The following SRP14 variants were observed in gnomAD, a reference collection of about 807,000 sequenced individuals.
SRP14 encodes signal recognition particle 14, also known as signal recognition particle 14 kDa protein.
SRP14 carries 1 observed loss-of-function variant against 16.0 expected under a neutral mutation model. The ratio of observed to expected loss-of-function variants is 0.06; its 90% confidence interval spans 0.02 to 0.30. SRP14 has a LOEUF of 0.30. Ranked by LOEUF, SRP14 falls within the 10% of genes least tolerant of loss-of-function variation. SRP14 has a pLI of 1.00. For synonymous variants in SRP14, 67 were observed against 60.1 expected (o/e 1.12, Z -0.53); for missense variants, 120 against 163.1 (o/e 0.74, Z 1.44).
At position 40,036,976 on chromosome 15, in the gene SRP14, CA is replaced by C; in HGVS notation, c.243+9del. 1 of 1,613,894 alleles carries C rather than the reference CA, an allele frequency of 6.2e-7. No homozygotes were observed. Among genetic ancestry groups the C allele is most frequent in the Non-Finnish European group, 8.5e-7 (1 of 1,179,984 alleles). The stretch of plus-strand genomic sequence containing the variant: ...TGAGAAGGGAAACATAAGGAACACC[CA>C]AAACTCACCATCTGAAACTTATTCA... On this transcript the variant is annotated intron_variant, in intron 4 of 4. Transcript: ENST00000267884.
intron 3 of SRP14, chr15:40,037,294 A>AAAAAAAAAAAAATC: frequency 7.4e-7 from 1 of 1,352,536 alleles, no homozygotes. Context: ...AAAAAAAAAA[A>AAAAAAAAAAAAATC]GCTTTGTTTC....
At chr15:40,038,459 T>A in intron 2 of SRP14, 65 bp from the exon 3 acceptor site, 1 of 1,144,016 alleles carries the variant, frequency 8.7e-7, no homozygotes, top group Non-Finnish European at 1.3e-6. Flanking sequence ...GACAAACAGT[T>A]AAAACAGAGG....
Position 40,038,318 on chromosome 15 carries a change from T to C in SRP14, c.174A>G (p.Leu58=), listed in dbSNP as rs577596887. Residue 58 remains leucine, a synonymous_variant, in exon 3 of 5, where the codon TTA becomes TTG. Coordinates refer to ENST00000267884, the MANE Select transcript of SRP14 (RefSeq NM_003134.6). ...TCTTCTTCTTCCCATCGGTAGCTCT[T>C]AACAGACACTTGTTGTCTGCGGGCT... is the stretch of plus-strand genomic sequence containing the variant. ...GFEPADNKCL[L]RATDGKKKIS... The C allele has an allele frequency of 8.4e-5, 136 of 1,614,122 alleles. No homozygotes were observed. The South Asian group carries it at 1.4e-3, about 17-fold the overall frequency.
Position 40,036,924 on chromosome 15 carries a change from T to C in SRP14, c.243+62A>G, listed in dbSNP as rs375704535. ...GAACCCAAGTATCAATCTTACCCAG[T>C]GTTCACTATCATACTGACTCTTGCC... On this transcript the variant is annotated intron_variant, in intron 4 of 4. Coordinates refer to ENST00000267884, the MANE Select transcript of SRP14 (RefSeq NM_003134.6). 2.4e-5 allele frequency: 38 copies of C among 1,557,886 alleles called. No homozygotes were observed. The East Asian group carries it at 7.6e-4, about 31-fold the overall frequency.
Position 40,036,035 on chromosome 15 carries a change from C to A in SRP14, c.*298G>T, listed in dbSNP as rs2035614299. The A allele has an allele frequency of 4.9e-6, 2 of 407,028 alleles. No homozygotes were observed. Among genetic ancestry groups the A allele is most frequent in the African/African-American group, 2.0e-5 (1 of 49,600 alleles). 25.2% of individuals were successfully genotyped at this position (407,028 alleles called of 1,614,324 possible). The stretch of plus-strand genomic sequence containing the variant: ...ATGGGTTGGGAAAGGAATAAAGAGA[C>A]AGTGCTGATAAACAGACATGTTTAA... On this transcript the variant is annotated 3_prime_UTR_variant, in exon 5 of 5. Transcript: ENST00000267884.
Position 40,039,147 on chromosome 15 carries a change from T to C in SRP14, c.-31A>G. ...CGACGCTGGCTCGACTCCCTCCGCT[T>C]AAGCCCCTAGCAGTGAGAGCCGGAA... is the stretch of plus-strand genomic sequence containing the variant. On this transcript the variant is annotated 5_prime_UTR_variant, in exon 1 of 5. Transcript: ENST00000267884. 1 of 1,604,698 alleles carries C rather than the reference T, an allele frequency of 6.2e-7. No individual in the cohort carries two copies. The highest frequency in any genetic ancestry group is 1.3e-5 in the African/African-American group (1 of 74,894).
At chr15:40,038,982 C>T in intron 1 of SRP14, 34 bp from the exon 2 acceptor site, 2 of 1,606,906 alleles carry the variant, frequency 1.2e-6, no homozygotes, top group Non-Finnish European at 8.5e-7. Context: ...CGTTAGCCAG[C>T]CCCAAATCCT....
Position 40,036,288 on chromosome 15 carries a change from T to A in SRP14, c.*45A>T. ...TAGCTATCTGGCCAAAAGGAAAAAA[T>A]AGCAATTCAGTGGTTAATTGGTGAA... On this transcript the variant is annotated 3_prime_UTR_variant, in exon 5 of 5. Transcript: ENST00000267884. 1 of 1,604,792 alleles carries A rather than the reference T, an allele frequency of 6.2e-7. No individual in the cohort carries two copies. Among genetic ancestry groups the A allele is most frequent in the Non-Finnish European group, 8.5e-7 (1 of 1,172,532 alleles).
rs2140955200 is a variant in SRP14, at chr15:40,036,275, C to A, written c.*58G>T. On this transcript the variant is annotated 3_prime_UTR_variant, in exon 5 of 5. Transcript: ENST00000267884. ...GGAACCAGAAACCTAGCTATCTGGC[C>A]AAAAGGAAAAAATAGCAATTCAGTG... 1 of 1,601,646 alleles carries A rather than the reference C, an allele frequency of 6.2e-7. No individual in the cohort carries two copies. Among genetic ancestry groups the A allele is most frequent in the African/African-American group, 1.3e-5 (1 of 74,752 alleles).
At chr15:40,038,074 C>CT (rs1181341424) in intron 3 of SRP14, among the ~76,000 whole-genome samples, 2 of 152,216 alleles carry the variant, frequency 1.3e-5, no homozygotes, top group African/African-American at 4.8e-5. Context: ...TCCACAAGAG[C>CT]TTTAGCAGAA....
chr15:40,038,387 A>C lies in SRP14; in HGVS notation c.105T>G (p.Gly35=). The C allele has an allele frequency of 6.2e-7, 1 of 1,613,088 alleles. No homozygotes were observed. The highest frequency in any genetic ancestry group is 8.5e-7 in the Non-Finnish European group (1 of 1,179,148). The part of the protein sequence containing the change: ...SVYITLKKYD[G]RTKPIPKKGT... The stretch of plus-strand genomic sequence containing the variant: ...CCTTCTTTGGAATGGGTTTGGTTCG[A>C]CCGTCATCTGAAGGAAAAAATGCAT... Residue 35 remains glycine (G), a synonymous_variant, in exon 3 of 5, where the codon GGT becomes GGG. Transcript: ENST00000267884.
chr15:40,037,294 A>AAAAAAAAAAAAG, intron 3 of SRP14: 2 of 1,352,530 alleles, frequency 1.5e-6, no homozygotes, highest in Non-Finnish European at 1.9e-6. Flanking sequence ...AAAAAAAAAA[A>AAAAAAAAAAAAG]GCTTTGTTTC....
In SRP14 at chr15:40,039,147, T is replaced by TA. The variant is rs1567015480; in HGVS notation, c.-32dup. ...CGACGCTGGCTCGACTCCCTCCGCT[T>TA]AAGCCCCTAGCAGTGAGAGCCGGAA... On this transcript the variant is annotated 5_prime_UTR_variant, in exon 1 of 5. Transcript: ENST00000267884. 1.9e-6 allele frequency: 3 copies of TA among 1,604,698 alleles called. No individual in the cohort carries two copies. In the South Asian group the frequency reaches 3.3e-5, roughly 18 times the overall value.
chr15:40,038,235 GTTCAAGTCTT>G (rs772944714), intron 3 of SRP14, 37 bp downstream of exon 3: 44 of 1,467,622 alleles, frequency 3.0e-5, no homozygotes, highest in Non-Finnish European at 4.0e-5. Flanking sequence ...CCTCTGTTAA[GTTCAAGTCTT>G]TACATTTCAA....
rs1241124483 is a variant in SRP14, at chr15:40,038,866, CGCT to C, written c.97+7_97+9del. On this transcript the variant is annotated splice_region_variant and intron_variant, in intron 2 of 4. Transcript: ENST00000267884. ...AGGGAGCATCGCCCGGCTCCCCTCC[CGCT>C]GCTTACACTTCTTCAAGGTGATATA... 10 of 1,613,400 alleles carry C rather than the reference CGCT, an allele frequency of 6.2e-6. No homozygotes were observed. In the Admixed American group the frequency reaches 1.3e-4, roughly 22 times the overall value.
At chr15:40,036,703 C>T (rs192859468) in intron 4 of SRP14, 9 of 676,888 alleles carry the variant, frequency 1.3e-5, no homozygotes, top group African/African-American at 7.2e-5. Flanking sequence ...CAGTTGCACA[C>T]ATTTTTTACG....
Position 40,039,074 on chromosome 15 carries a change from C to T in SRP14, c.24+19G>A, listed in dbSNP as rs1256840892. The T allele has an allele frequency of 1.1e-5, 17 of 1,608,170 alleles. No individual in the cohort carries two copies. The highest frequency in any genetic ancestry group is 1.4e-5 in the Non-Finnish European group (16 of 1,178,124). ...GCCTGAGCCGCCCCCTTCCCTCGGC[C>T]GGCCAGGCCTAGCCATACCTGCTCG... On this transcript the variant is annotated intron_variant, in intron 1 of 4. Transcript: ENST00000267884.
rs2035609913 is a variant in SRP14 at position 40,035,752 on chromosome 15, C to T, written c.*581G>A. On this transcript the variant is annotated 3_prime_UTR_variant, in exon 5 of 5. Transcript: ENST00000267884. ...CCAAAAATCATAATTACTTTGGAAC[C>T]TTTATTCTTGATGACTTTGTAGTAT... is the stretch of plus-strand genomic sequence containing the variant. The T allele has an allele frequency of 6.6e-6, 1 of 152,330 alleles. No homozygotes were observed. The highest frequency in any genetic ancestry group is 1.5e-5 in the Non-Finnish European group (1 of 68,182). 9.4% of individuals were successfully genotyped at this position (152,330 alleles called of 1,614,324 possible).
Position 40,039,141 on chromosome 15 carries a change from T to C in SRP14, c.-25A>G. The C allele has an allele frequency of 1.2e-6, 2 of 1,606,528 alleles. No individual in the cohort carries two copies. Among genetic ancestry groups the C allele is most frequent in the African/African-American group, 2.7e-5 (2 of 74,922 alleles). ...TCGCGGCGACGCTGGCTCGACTCCC[T>C]CCGCTTAAGCCCCTAGCAGTGAGAG... On this transcript the variant is annotated 5_prime_UTR_variant, in exon 1 of 5. Transcript: ENST00000267884.
Sources: gnomAD v4.1 joint callset for allele counts (sites outside exome capture counted in the v4.1 genomes callset) on GRCh38, gnomAD v4.1.1 for gene constraint, MANE v1.5 for transcripts, NCBI Gene and HGNC (gene_info 2026-07-23, HGNC 2026-07-21) for gene names.